ZNF567: variants seen among roughly 807,000 people sequenced by gnomAD.
ZNF567 encodes zinc finger protein 567.
In ZNF567, 36 loss-of-function variants were observed where a neutral mutation model predicts 53.9. That is an observed-to-expected ratio of 0.67 (90% CI 0.51 to 0.88). The LOEUF (loss-of-function observed/expected upper bound fraction) is 0.88, where lower values mean the gene tolerates loss of function less well. ZNF567 is among the 40% of genes least tolerant of loss of function. The probability of loss-of-function intolerance (pLI) is 0.00; values close to 1 mark genes in which losing one functional copy is unlikely to be tolerated. For missense variants in ZNF567, 619 were observed against 764.7 expected, an observed-to-expected ratio of 0.81 and a Z score of 2.25; for synonymous variants, 224 against 260.4, an observed-to-expected ratio of 0.86 and a Z score of 1.35.
At chr19:36,726,982 T>TTCTTTCTTTCTTTCTTTCTTTCTTTC (rs375360156), downstream of ZNF567, 5 of 55,416 alleles carry the variant, frequency 9.0e-5, no homozygotes, top group Non-Finnish European at 1.4e-4. Flanking sequence ...CTTTCTTTCT[T>TTCTTTCTTTCTTTCTTTCTTTCTTTC]TTTCTTTCTT....
At chr19:36,707,350 C>T (rs1310194913) in intron 3 of ZNF567, among the ~76,000 whole-genome samples, 3 of 152,188 alleles carry the variant, frequency 2.0e-5, no homozygotes, top group Non-Finnish European at 4.4e-5. Context: ...ACTCAGCCAA[C>T]GGTGAAAGCA....
chr19:36,678,176 TG>T, the ZNF567 span, among the ~76,000 whole-genome samples: 1 of 152,200 alleles, frequency 6.6e-6, no homozygotes, highest in Non-Finnish European at 1.5e-5. Context: ...TCAGCTGATA[TG>T]AAGAGTCAAA....
chr19:36,718,865 C>A, intron 5 of ZNF567, 83 bp from the exon 6 acceptor site: 1 of 1,137,326 alleles, frequency 8.8e-7, no homozygotes, highest in Non-Finnish European at 1.2e-6. Flanking sequence ...CTTTTTGCGC[C>A]ATGTGCTAGA....
In ZNF567 at chr19:36,694,891, T is replaced by C. The variant is rs2038797853; in HGVS notation, c.9+15T>C. The C allele has an allele frequency of 6.6e-7, 1 of 1,514,886 alleles. No individual in the cohort carries two copies. The highest frequency in any genetic ancestry group is 1.4e-5 in the African/African-American group (1 of 70,686). The allele number at this position is 1,514,886 out of a possible 1,614,324, so 93.8% of individuals were successfully genotyped here. On this transcript the variant is annotated intron_variant, in intron 3 of 5. Transcript: ENST00000682579. ...CCATGGCTCAGGTAAGGCGATGGTT[T>C]CTCTCTCCTTTCTGAAAGTCTTTTT...
the ZNF567 span, chr19:36,666,973 T>C: frequency 6.6e-6 from 1 of 152,328 alleles, no homozygotes; most frequent in Non-Finnish European, 1.5e-5. Context: ...AACCTGTTAA[T>C]GTTCGTTTTC....
At chr19:36,691,784 A>G (rs2038626690) in intron 2 of ZNF567, among the ~76,000 whole-genome samples, 1 of 152,150 alleles carries the variant, frequency 6.6e-6, no homozygotes, top group Admixed American at 6.5e-5. Flanking sequence ...AGCTGGGACT[A>G]CAAGTACATG....
At position 36,720,457 on chromosome 19, in the gene ZNF567, A is replaced by G. The variant is rs2040260769; in HGVS notation, c.1733A>G (p.His578Arg). ...TTTAGCAGGAAGTCATATCTCATTC[A>G]TCATCAAAGAACTCATACGGGAGAG... Reference protein sequence around the residue: ...KAFSRKSYLIHHQRTHTGEKP... With the variant: ...KAFSRKSYLIRHQRTHTGEKP... Residue 578 changes from histidine (H) to arginine (R), a missense_variant, in exon 6 of 6, where the codon CAT (histidine) becomes CGT (arginine). Physicochemically the swap from His to Arg is conservative, Grantham distance 29. Coordinates refer to ENST00000682579, the MANE Select transcript of ZNF567 (RefSeq NM_001322917.1). 5.6e-6 allele frequency: 9 copies of G among 1,613,696 alleles called. No homozygotes were observed. Among genetic ancestry groups the G allele is most frequent in the Non-Finnish European group, 7.6e-6 (9 of 1,179,892 alleles).
chr19:36,718,863 G>A lies in ZNF567; in HGVS notation c.224-85G>A, dbSNP rs985283642. 52 of 1,106,984 alleles carry A rather than the reference G, an allele frequency of 4.7e-5. No individual in the cohort carries two copies. In the African/African-American group the frequency reaches 4.9e-4, roughly 10 times the overall value. 68.6% of individuals were successfully genotyped at this position (1,106,984 alleles called of 1,614,324 possible). ...TCATTTGTTCTGAGTCTCTTTTTGC[G>A]CCATGTGCTAGACCCTAGTAAAATT... On this transcript the variant is annotated intron_variant, in intron 5 of 5. Transcript: ENST00000682579.
intron 3 of ZNF567, among the ~76,000 whole-genome samples, chr19:36,703,903 C>T (rs1172492193): frequency 1.3e-5 from 2 of 152,192 alleles, no homozygotes; most frequent in Admixed American, 1.3e-4. Flanking sequence ...AATGCCTCGC[C>T]CTGCTTCGTC....
intron 3 of ZNF567, among the ~76,000 whole-genome samples, chr19:36,697,426 G>A (rs1050679817): frequency 2.0e-5 from 3 of 151,708 alleles, no homozygotes; most frequent in Non-Finnish European, 2.9e-5. Flanking sequence ...AATAATGACT[G>A]TTTTCTTTCT....
intron 3 of ZNF567, among the ~76,000 whole-genome samples, chr19:36,695,630 C>G (rs1349953587): frequency 6.6e-6 from 1 of 151,166 alleles, no homozygotes; most frequent in East Asian, 1.9e-4. Context: ...GCCCAGAGGT[C>G]AGGTCTACAA....
the ZNF567 span, among the ~76,000 whole-genome samples, chr19:36,675,775 G>C: frequency 0.2 from 30,489 of 152,088 alleles, 3,148 homozygotes; most frequent in Middle Eastern, 0.25. Context: ...GTTGAGCCCA[G>C]CAGGTCAAGG....
chr19:36,698,451 G>A (rs1212031622), intron 3 of ZNF567, among the ~76,000 whole-genome samples: 3 of 151,342 alleles, frequency 2.0e-5, no homozygotes, highest in Admixed American at 1.3e-4. Context: ...GTAATGGGAT[G>A]GCTGGGTCAA....
At chr19:36,712,713 A>G (rs2039852403) in intron 4 of ZNF567, 68 bp from the exon 5 acceptor site, 3 of 1,496,302 alleles carry the variant, frequency 2.0e-6, no homozygotes, top group Non-Finnish European at 2.8e-6. Flanking sequence ...AGTACTGAAC[A>G]TGCCCCTTTC....
At chr19:36,667,241 TA>T in the ZNF567 span, among the ~76,000 whole-genome samples, 2 of 152,010 alleles carry the variant, frequency 1.3e-5, no homozygotes, top group Non-Finnish European at 1.5e-5. Flanking sequence ...TGAAACGATT[TA>T]AAAAAAAATT....
intron 3 of ZNF567, among the ~76,000 whole-genome samples, chr19:36,697,547 C>G (rs573840149): frequency 1.3e-5 from 2 of 151,940 alleles, no homozygotes; most frequent in East Asian, 1.9e-4. Flanking sequence ...TTGTGCCCAA[C>G]TTAGGCAAAA....
Position 36,712,604 on chromosome 19 carries a change from G to C in ZNF567, c.136+92G>C, listed in dbSNP as rs187586129. On this transcript the variant is annotated intron_variant, in intron 4 of 5. Transcript: ENST00000682579. Reference sequence around the variant, plus strand: ...ATCTTGAATTTCAGGAATAAGAGGTGATGAATTCCTTTTCGTTAGCAGAAT... The same window carrying C: ...ATCTTGAATTTCAGGAATAAGAGGTCATGAATTCCTTTTCGTTAGCAGAAT... 54 of 1,549,638 alleles carry C rather than the reference G, an allele frequency of 3.5e-5. No individual in the cohort carries two copies. The African/African-American group carries it at 6.7e-4, about 19-fold the overall frequency.
At chr19:36,698,451 G>T (rs1212031622) in intron 3 of ZNF567, among the ~76,000 whole-genome samples, 1 of 151,342 alleles carries the variant, frequency 6.6e-6, no homozygotes, top group Non-Finnish European at 1.5e-5. Flanking sequence ...GTAATGGGAT[G>T]GCTGGGTCAA....
intron 3 of ZNF567, among the ~76,000 whole-genome samples, chr19:36,699,645 G>C (rs1401404367): frequency 6.6e-6 from 1 of 152,172 alleles, no homozygotes; most frequent in East Asian, 1.9e-4. Flanking sequence ...CACATCCCTT[G>C]TAAGTTGGAT....
Sources: gnomAD v4.1 joint callset for allele counts (sites outside exome capture counted in the v4.1 genomes callset) on GRCh38, gnomAD v4.1.1 for gene constraint, MANE v1.5 for transcripts, NCBI Gene and HGNC (gene_info 2026-07-23, HGNC 2026-07-21) for gene names.